The following GRIK4 variants were observed in gnomAD, a reference collection of about 807,000 sequenced individuals.
The protein encoded by GRIK4 is glutamate receptor ionotropic, kainate 4.
Under a neutral mutation model 104.9 loss-of-function variants are expected in GRIK4, and 40 were observed. That is an observed-to-expected ratio of 0.38 (90% CI 0.30 to 0.50). GRIK4 has a LOEUF of 0.50. GRIK4 is among the 20% of genes least tolerant of loss of function. GRIK4 has a pLI of 0.93. For synonymous variants in GRIK4, 485 were observed against 524.9 expected, an observed-to-expected ratio of 0.92 and a Z score of 1.04; for missense variants, 1,047 against 1,308.1, an observed-to-expected ratio of 0.80 and a Z score of 3.08.
chr11:120,603,643 A>G (rs1259711289), intron 1 of GRIK4, among the ~76,000 whole-genome samples: 5 of 152,202 alleles, frequency 3.3e-5, no homozygotes, highest in African/African-American at 1.2e-4. Context: ...ATAAAGAAAC[A>G]CATGCCGGGC....
At position 120,577,903 on chromosome 11, in the gene GRIK4, G is replaced by A. The variant is rs139561572; in HGVS notation, c.-159+66016G>A. On this transcript the variant is annotated intron_variant, in intron 1 of 20. Coordinates refer to ENST00000527524, the MANE Select transcript of GRIK4 (RefSeq NM_014619.5). ...GTGCAGTGCTCGGATTTCTCAGCTC[G>A]GCCCCAGGACCATAGCCACAGCCCA... Among the ~76,000 whole-genome samples, 1,075 of 152,264 alleles carry A rather than the reference G, an allele frequency of 7.1e-3. 10 individuals are homozygous for A. The highest frequency in any genetic ancestry group is 0.01 in the Admixed American group (158 of 15,294).
At chr11:120,620,967 A>G (rs1310237587) in intron 1 of GRIK4, among the ~76,000 whole-genome samples, 2 of 152,198 alleles carry the variant, frequency 1.3e-5, no homozygotes, top group African/African-American at 4.8e-5. Flanking sequence ...ACGATCATGC[A>G]GCAACAAAGT....
chr11:120,798,637 T>A (rs1436553253), intron 3 of GRIK4, among the ~76,000 whole-genome samples: 1 of 151,998 alleles, frequency 6.6e-6, no homozygotes, highest in Non-Finnish European at 1.5e-5. Flanking sequence ...ACACCACCAT[T>A]CCTGGGTAAT....
At chr11:120,744,230 G>T (rs918049696) in intron 3 of GRIK4, among the ~76,000 whole-genome samples, 1 of 152,118 alleles carries the variant, frequency 6.6e-6, no homozygotes, top group Non-Finnish European at 1.5e-5. Flanking sequence ...GTTAAAGCTC[G>T]GCTCCATCAG....
In GRIK4 at chr11:120,877,227, G is replaced by A. The variant is rs138805944; in HGVS notation, c.1164+1984G>A. ...GGTTAGGTAGGCAGCCAGAAATTTC[G>A]GGGATGGCATTTCACAAAATGGTCA... On this transcript the variant is annotated intron_variant, in intron 11 of 20. Coordinates refer to ENST00000527524, the MANE Select transcript of GRIK4 (RefSeq NM_014619.5). 7.2e-5 allele frequency among the ~76,000 whole-genome samples: 11 copies of A among 152,266 alleles called. No homozygotes were observed. In the East Asian group the frequency reaches 1.9e-3, roughly 27 times the overall value.
intron 1 of GRIK4, among the ~76,000 whole-genome samples, chr11:120,623,643 T>A (rs1406196018): frequency 6.6e-6 from 1 of 152,248 alleles, no homozygotes; most frequent in Non-Finnish European, 1.5e-5. Flanking sequence ...CTAAATTGAT[T>A]TCACGGACCT....
chr11:120,522,029 C>T (rs1257320132), intron 1 of GRIK4, among the ~76,000 whole-genome samples: 4 of 152,148 alleles, frequency 2.6e-5, no homozygotes, highest in African/African-American at 9.7e-5. Context: ...GTACTGTTGT[C>T]CCACTTTACA....
At chr11:120,613,801 G>C (rs1376632585) in intron 1 of GRIK4, among the ~76,000 whole-genome samples, 1 of 152,166 alleles carries the variant, frequency 6.6e-6, no homozygotes, top group African/African-American at 2.4e-5. Context: ...AGTCAGGTGT[G>C]GGGTGAGCTT....
chr11:120,911,732 C>T (rs545666467), intron 13 of GRIK4, among the ~76,000 whole-genome samples: 3 of 150,248 alleles, frequency 2.0e-5, no homozygotes, highest in Non-Finnish European at 4.4e-5. Context: ...ATCCCAGCTA[C>T]TCAGGAGGCT....
rs1289746225 is a variant in GRIK4 at position 120,683,499 on chromosome 11, A to T, written c.82+23099A>T. ...TGTCAGGGAGTCAGATGGACATAAGATATTAGAAGAAGAGGTCCCAGGTGG... is the reference window on the plus strand; with the variant it reads ...TGTCAGGGAGTCAGATGGACATAAGTTATTAGAAGAAGAGGTCCCAGGTGG... On this transcript the variant is annotated intron_variant, in intron 3 of 20. Transcript: ENST00000527524. 6.9e-4 allele frequency among the ~76,000 whole-genome samples: 105 copies of T among 152,162 alleles called. 1 individual carries two copies. Among genetic ancestry groups the T allele is most frequent in the Admixed American group, 6.9e-3 (105 of 15,278 alleles).
At chr11:120,654,502 A>G (rs1949670952) in intron 2 of GRIK4, among the ~76,000 whole-genome samples, 1 of 152,076 alleles carries the variant, frequency 6.6e-6, no homozygotes, top group African/African-American at 2.4e-5. Context: ...AGCTGGGATT[A>G]TAGGTGCCTG....
chr11:120,761,415 G>A (rs1460572288), intron 3 of GRIK4, among the ~76,000 whole-genome samples: 1 of 152,194 alleles, frequency 6.6e-6, no homozygotes, highest in Non-Finnish European at 1.5e-5. Flanking sequence ...TCACTCTGAT[G>A]ATAGTTTGTT....
chr11:120,753,769 G>GT (rs1337552836), intron 3 of GRIK4, among the ~76,000 whole-genome samples: 3 of 152,002 alleles, frequency 2.0e-5, no homozygotes. Flanking sequence ...TTTCCTTTTT[G>GT]TTTTGTTTTT....
At chr11:120,646,201 C>G (rs1949540919) in intron 1 of GRIK4, among the ~76,000 whole-genome samples, 1 of 152,230 alleles carries the variant, frequency 6.6e-6, no homozygotes, top group Admixed American at 6.5e-5. Context: ...ATCACAATAA[C>G]AGCTGTCAAA....
intron 19 of GRIK4, among the ~76,000 whole-genome samples, chr11:120,969,440 A>AG (rs1352350186): frequency 2.0e-5 from 3 of 152,084 alleles, no homozygotes; most frequent in African/African-American, 7.2e-5. Flanking sequence ...TGCTGTGGGC[A>AG]GGGCTGTGTG....
chr11:120,720,640 G>A (rs1183900287), intron 3 of GRIK4, among the ~76,000 whole-genome samples: 1 of 152,156 alleles, frequency 6.6e-6, no homozygotes, highest in Non-Finnish European at 1.5e-5. Flanking sequence ...AATTTGGGAG[G>A]GGAAGAAGGT....
chr11:120,648,970 C>T (rs1273192281), intron 1 of GRIK4, among the ~76,000 whole-genome samples: 5 of 152,228 alleles, frequency 3.3e-5, no homozygotes, highest in Non-Finnish European at 5.9e-5. Flanking sequence ...CAGCCAGTTT[C>T]TCCTCCCTTG....
intron 3 of GRIK4, among the ~76,000 whole-genome samples, chr11:120,761,811 TC>T: frequency 6.6e-6 from 1 of 152,198 alleles, no homozygotes; most frequent in Non-Finnish European, 1.5e-5. Context: ...CGTCTATATA[TC>T]TGTTTTAGTA....
At position 120,682,591 on chromosome 11, in the gene GRIK4, CTTTT is replaced by C. The variant is rs34209497; in HGVS notation, c.82+22204_82+22207del. On this transcript the variant is annotated intron_variant, in intron 3 of 20. Transcript: ENST00000527524. ...TGTCTAGACCACTATTTGCCCCCAT[CTTTT>C]TTTTTTTTTTTTCCCATCTGGCCAA... Among the ~76,000 whole-genome samples, 529 of 144,970 alleles carry C rather than the reference CTTTT, an allele frequency of 3.6e-3. 4 individuals carry two copies. Among genetic ancestry groups the C allele is most frequent in the Middle Eastern group, 0.011 (3 of 272 alleles).
Sources: gnomAD v4.1 joint callset for allele counts (sites outside exome capture counted in the v4.1 genomes callset) on GRCh38, gnomAD v4.1.1 for gene constraint, MANE v1.5 for transcripts, NCBI Gene and HGNC (gene_info 2026-07-23, HGNC 2026-07-21) for gene names.